The following GIGYF2 variants were observed in gnomAD, a reference collection of about 807,000 sequenced individuals.
The protein encoded by GIGYF2 is GRB10-interacting GYF protein 2.
GIGYF2 carries 25 observed loss-of-function variants against 208.1 expected under a neutral mutation model. That is an observed-to-expected ratio of 0.12 (90% CI 0.09 to 0.17). The LOEUF (loss-of-function observed/expected upper bound fraction) is 0.17, where lower values mean the gene tolerates loss of function less well. GIGYF2 is among the 10% of genes least tolerant of loss of function. GIGYF2 has a pLI of 1.00. For synonymous variants in GIGYF2, 534 were observed against 543.8 expected (o/e 0.98, Z 0.25); for missense variants, 1,302 against 1,579.4 (o/e 0.82, Z 2.98).
chr2:232,726,209 A>C (rs1339889523), intron 2 of GIGYF2, among the ~76,000 whole-genome samples: 2 of 152,042 alleles, frequency 1.3e-5, no homozygotes, highest in Non-Finnish European at 2.9e-5. Flanking sequence ...CCTCTACTAA[A>C]AATACAAAAA....
intron 2 of GIGYF2, among the ~76,000 whole-genome samples, chr2:232,715,137 G>A (rs1696621966): frequency 6.6e-6 from 1 of 152,100 alleles, no homozygotes; most frequent in Non-Finnish European, 1.5e-5. Context: ...TGGCTGCAGG[G>A]TCTGGTATCT....
intron 21 of GIGYF2, among the ~76,000 whole-genome samples, chr2:232,829,743 T>C (rs1001395403): frequency 1.3e-5 from 2 of 152,188 alleles, no homozygotes; most frequent in African/African-American, 4.8e-5. Flanking sequence ...TGCTTCTTTA[T>C]CCCAGAACTC....
At chr2:232,765,908 T>C in intron 8 of GIGYF2, 1 of 446,726 alleles carries the variant, frequency 2.2e-6, no homozygotes, top group Non-Finnish European at 4.6e-6. Context: ...AAGGAACGTT[T>C]AAAGTTAGTT....
intron 2 of GIGYF2, among the ~76,000 whole-genome samples, chr2:232,730,769 GC>G (rs1697445428): frequency 6.9e-6 from 1 of 144,230 alleles, no homozygotes; most frequent in South Asian, 2.2e-4. Flanking sequence ...GTAGTGGCGG[GC>G]GCCTGTAGTC....
intron 14 of GIGYF2, among the ~76,000 whole-genome samples, chr2:232,797,981 C>CAAAAAAAAAAAAAAA (rs57991158): frequency 9.8e-6 from 1 of 102,388 alleles, no homozygotes; most frequent in African/African-American, 3.7e-5. Flanking sequence ...ACTGTGCCTC[C>CAAAAAAAAAAAAAAA]AAAAAAAAAA....
rs1471346195 is a variant in GIGYF2 at position 232,858,810 on chromosome 2, C to T, written c.*1950C>T. 1.3e-5 allele frequency: 4 copies of T among 297,988 alleles called. No individual in the cohort carries two copies. The highest frequency in any genetic ancestry group is 3.2e-5 in the South Asian group (1 of 31,322). 18.5% of individuals were successfully genotyped at this position (297,988 alleles called of 1,614,324 possible). A position where few individuals can be genotyped will look rare whatever the true frequency, so the allele number is the denominator to read the frequency against. ...AGAATGTAGAGGTCAAGGCAGATGT[C>T]GGTAAGTTTGACCAAATATCTTTTC... On this transcript the variant is annotated 3_prime_UTR_variant, in exon 29 of 29. Coordinates refer to ENST00000373563, the MANE Select transcript of GIGYF2 (RefSeq NM_001103146.3).
intron 14 of GIGYF2, among the ~76,000 whole-genome samples, chr2:232,797,197 C>T (rs969729162): frequency 6.6e-6 from 1 of 151,642 alleles, no homozygotes; most frequent in Non-Finnish European, 1.5e-5. Flanking sequence ...TGTGTAAGTT[C>T]GATTAGAATG....
At chr2:232,794,721 G>A (rs771799485) in intron 12 of GIGYF2, 27 bp from the exon 13 acceptor site, 3 of 1,581,860 alleles carry the variant, frequency 1.9e-6, no homozygotes, top group East Asian at 4.5e-5. Context: ...TATTTCAAAG[G>A]ATTTTCATCT....
At chr2:232,714,389 C>T (rs1311991717) in intron 2 of GIGYF2, among the ~76,000 whole-genome samples, 1 of 152,062 alleles carries the variant, frequency 6.6e-6, no homozygotes, top group Non-Finnish European at 1.5e-5. Flanking sequence ...ACTTTAACAT[C>T]TGTTTTAATA....
chr2:232,728,547 C>G (rs932108872), intron 2 of GIGYF2, among the ~76,000 whole-genome samples: 1 of 152,070 alleles, frequency 6.6e-6, no homozygotes, highest in Non-Finnish European at 1.5e-5. Flanking sequence ...GACCAGTAAA[C>G]TGAAAACAGT....
intron 2 of GIGYF2, among the ~76,000 whole-genome samples, chr2:232,725,487 C>T (rs931747883): frequency 5.9e-5 from 9 of 152,184 alleles, no homozygotes; most frequent in African/African-American, 1.9e-4. Flanking sequence ...CTTAACTTTT[C>T]TCTGTGCCTC....
At chr2:232,715,302 C>T (rs557562909) in intron 2 of GIGYF2, among the ~76,000 whole-genome samples, 1 of 151,920 alleles carries the variant, frequency 6.6e-6, no homozygotes, top group Non-Finnish European at 1.5e-5. Context: ...GGCTATTAGA[C>T]GTAAAGCTGA....
At chr2:232,836,278 A>T (rs1285258043) in intron 22 of GIGYF2, among the ~76,000 whole-genome samples, 2 of 6,214 alleles carry the variant, frequency 3.2e-4, no homozygotes, top group South Asian at 2.2e-3. Flanking sequence ...ATATATATAT[A>T]TATATATATA....
intron 2 of GIGYF2, among the ~76,000 whole-genome samples, chr2:232,724,207 A>AT (rs1163865821): frequency 0.22 from 24,823 of 113,424 alleles, 2,834 homozygotes; most frequent in South Asian, 0.48. Flanking sequence ...ACACCTGGCT[A>AT]TTTTTTTTTT....
In GIGYF2 at chr2:232,860,162, T is replaced by G. The variant is rs1270885002; in HGVS notation, c.*3302T>G. On this transcript the variant is annotated 3_prime_UTR_variant, in exon 29 of 29. Coordinates refer to ENST00000373563, the MANE Select transcript of GIGYF2 (RefSeq NM_001103146.3). ...TCATTGGCTTTAAGTTGAGGGTTTT[T>G]GTTTTTGTTTTTGTATTGGAGATGG... is the stretch of plus-strand genomic sequence containing the variant. 2 of 152,112 alleles carry G rather than the reference T, an allele frequency of 1.3e-5. No homozygotes were observed. The highest frequency in any genetic ancestry group is 2.9e-5 in the Non-Finnish European group (2 of 68,034). The allele number at this position is 152,112 out of a possible 1,614,324, so 9.4% of individuals were successfully genotyped here.
At position 232,843,962 on chromosome 2, in the gene GIGYF2, T is replaced by G. The variant is rs575469744; in HGVS notation, c.2890-84T>G. The G allele has an allele frequency of 4.1e-6, 5 of 1,220,672 alleles. No individual in the cohort carries two copies. The South Asian group carries it at 6.1e-5, about 15-fold the overall frequency. The allele number at this position is 1,220,672 out of a possible 1,614,324, so 75.6% of individuals were successfully genotyped here. A position where few individuals can be genotyped will look rare whatever the true frequency, so the allele number is the denominator to read the frequency against. ...TTAATTTTATGTAGCTACTGTGTAT[T>G]TACATTCCATTTAGTATACTGGATA... On this transcript the variant is annotated intron_variant, in intron 23 of 28. Transcript: ENST00000373563.
At chr2:232,787,622 A>G (rs1042551721) in intron 9 of GIGYF2, among the ~76,000 whole-genome samples, 8 of 152,162 alleles carry the variant, frequency 5.3e-5, no homozygotes, top group Non-Finnish European at 8.8e-5. Flanking sequence ...TCTACCTCTA[A>G]ATCTCTGAAT....
At chr2:232,793,479 A>G (rs1700131454) in intron 12 of GIGYF2, among the ~76,000 whole-genome samples, 1 of 152,192 alleles carries the variant, frequency 6.6e-6, no homozygotes, top group Admixed American at 6.5e-5. Flanking sequence ...GAAGAGCCAA[A>G]GAGCCTGAGA....
chr2:232,784,598 G>GCCAGGATGGT (rs140365931), intron 8 of GIGYF2, among the ~76,000 whole-genome samples: 44 of 151,408 alleles, frequency 2.9e-4, no homozygotes, highest in Middle Eastern at 3.4e-3. Context: ...CATCGTGTTA[G>GCCAGGATGGT]CTTGATCTGA....
Sources: allele counts gnomAD v4.1 joint callset (sites outside exome capture counted in the v4.1 genomes callset), GRCh38; gene constraint gnomAD v4.1.1; transcripts MANE v1.5; gene names NCBI Gene and HGNC (gene_info 2026-07-23, HGNC 2026-07-21).